TNK2: variants seen among roughly 807,000 people sequenced by gnomAD.
TNK2 encodes the protein tyrosine kinase non receptor 2.
A neutral mutation model predicts 101.8 loss-of-function variants in TNK2; 83 were observed. The ratio of observed to expected loss-of-function variants is 0.82; its 90% CI spans 0.68 to 0.98. The LOEUF (loss-of-function observed/expected upper bound fraction) is 0.98, where lower values mean the gene tolerates loss of function less well. Ranked by LOEUF, TNK2 falls within the 50% of genes least tolerant of loss-of-function variation. The pLI is 0.00. For missense variants in TNK2, 1,665 were observed against 1,483.2 expected (o/e 1.12, Z -2.01); for synonymous variants, 804 against 633.0 (o/e 1.27, Z -4.06).
Position 195,868,550 on chromosome 3 carries a change from A to T in TNK2, c.1748T>A (p.Val583Asp), listed in dbSNP as rs2149239335. 1 of 1,569,624 alleles carries T rather than the reference A, an allele frequency of 6.4e-7. No homozygotes were observed. Among genetic ancestry groups the T allele is most frequent in the Non-Finnish European group, 8.6e-7 (1 of 1,166,470 alleles). ...TKASRGSGAE[V>D]TLIDFGEEPV... ...CTCCTCACCGAAGTCGATGAGCGTG[A>T]CCTCAGCCCCGCTGCCTCGGCTGGC... The change falls in exon 13 of 16, where the codon GTC becomes GAC. Residue 583 changes from valine (V) to aspartate (D), a missense_variant. Val to Asp is a radical substitution (Grantham distance 152, BLOSUM62 -3). This residue lies in a region of TNK2 where 1,136 missense variants were observed against 894.9 expected (regional missense o/e 1.27). Coordinates refer to ENST00000672887, the MANE Select transcript of TNK2 (RefSeq NM_001382273.1).
chr3:195,897,087 G>A (rs1418029485), intron 1 of TNK2, among the ~76,000 whole-genome samples: 2 of 152,188 alleles, frequency 1.3e-5, no homozygotes, highest in East Asian at 3.8e-4. Flanking sequence ...GGAGAGGGGG[G>A]CTTACAGCTC....
intron 10 of TNK2, among the ~76,000 whole-genome samples, chr3:195,871,768 G>C (rs1745480881): frequency 6.6e-6 from 1 of 152,344 alleles, no homozygotes; most frequent in South Asian, 2.1e-4. Flanking sequence ...TGAGCAGCAA[G>C]TGCTAATTCA....
At chr3:195,875,605 G>C (rs902001969) in intron 9 of TNK2, among the ~76,000 whole-genome samples, 3 of 152,190 alleles carry the variant, frequency 2.0e-5, no homozygotes, top group African/African-American at 7.2e-5. Context: ...GGCACCAGCA[G>C]TCCAGAGGGG....
At chr3:195,892,357 G>C in intron 1 of TNK2, 1 of 1,460,168 alleles carries the variant, frequency 6.8e-7, no homozygotes, top group Non-Finnish European at 9.1e-7. Flanking sequence ...GTCAAGTGCT[G>C]GTGCTGAGGA....
chr3:195,890,811 A>C (rs1006723939), intron 1 of TNK2, among the ~76,000 whole-genome samples: 3 of 152,322 alleles, frequency 2.0e-5, no homozygotes, highest in African/African-American at 7.2e-5. Context: ...TTTATTCAGA[A>C]CATAGCAGAA....
Position 195,887,037 on chromosome 3 carries a change from C to T in TNK2, c.174G>A (p.Arg58=), listed in dbSNP as rs1354233504. 6 of 1,614,100 alleles carry T rather than the reference C, an allele frequency of 3.7e-6. No individual in the cohort carries two copies. The highest frequency in any genetic ancestry group is 1.3e-5 in the African/African-American group (1 of 74,954). The change falls in exon 3 of 16, where the codon CGG becomes CGA. Residue 58 remains arginine (R), a synonymous_variant. Transcript: ENST00000672887. Reference sequence around the variant, plus strand: ...TCCTCCTCTTCACAGCCTCCCACAGCCGCCGCTGGCCTGCAGGGAGAGCGG... The same window carrying T: ...TCCTCCTCTTCACAGCCTCCCACAGTCGCCGCTGGCCTGCAGGGAGAGCGG... ...KIGMGRPGQR[R]LWEAVKRRKA... is the part of the protein sequence containing the mutation.
In TNK2 at chr3:195,879,085, G is replaced by A. The variant is rs376767437; in HGVS notation, c.978C>T (p.Tyr326=). 5.3e-5 allele frequency: 85 copies of A among 1,613,852 alleles called. No homozygotes were observed. Among genetic ancestry groups the A allele is most frequent in the East Asian group, 4.7e-4 (21 of 44,888 alleles). The stretch of plus-strand genomic sequence containing the variant: ...TGAGGCCGATCCAGGGCTCCTGGCC[G>A]TAGGTGAACATTTCCCACAGTGTCA... ...FGVTLWEMFT[Y]GQEPWIGLNG... is the part of the protein sequence containing the mutation. Residue 326 remains tyrosine (Y), a synonymous_variant, in exon 7 of 16, where the codon TAC becomes TAT. Transcript: ENST00000672887.
At chr3:195,868,931 C>A in intron 12 of TNK2, 1 of 565,416 alleles carries the variant, frequency 1.8e-6, no homozygotes. Context: ...CCCATGTGGG[C>A]CGGTGAGCCC....
At chr3:195,864,786 C>T (rs1451153510) in intron 15 of TNK2, among the ~76,000 whole-genome samples, 16 of 144,200 alleles carry the variant, frequency 1.1e-4, no homozygotes, top group Non-Finnish European at 9.1e-5. Flanking sequence ...AAGAACCACC[C>T]GAGACAGTGA....
chr3:195,887,744 TG>T (rs1756366279), intron 2 of TNK2, among the ~76,000 whole-genome samples: 1 of 151,594 alleles, frequency 6.6e-6, no homozygotes, highest in Non-Finnish European at 1.5e-5. Flanking sequence ...TGTGCGTGTG[TG>T]TGCACACGCG....
chr3:195,900,901 C>G (rs1398559467), intron 1 of TNK2, among the ~76,000 whole-genome samples: 1 of 152,234 alleles, frequency 6.6e-6, no homozygotes, highest in Non-Finnish European at 1.5e-5. Flanking sequence ...TACCCCACCC[C>G]CAAGCCCTAC....
intron 12 of TNK2, chr3:195,869,183 C>T (rs982744365): frequency 3.5e-6 from 2 of 564,616 alleles, no homozygotes; most frequent in Non-Finnish European, 6.4e-6. Flanking sequence ...CCAGACAGCG[C>T]CTGCAGGTCT....
intron 9 of TNK2, among the ~76,000 whole-genome samples, chr3:195,874,111 C>T (rs1401717054): frequency 6.6e-6 from 1 of 152,232 alleles, no homozygotes; most frequent in African/African-American, 2.4e-5. Flanking sequence ...GCGGCTCTCC[C>T]GCTACACCCA....
intron 6 of TNK2, among the ~76,000 whole-genome samples, chr3:195,880,772 C>G (rs1427044079): frequency 7.0e-4 from 7 of 10,054 alleles, no homozygotes; most frequent in Non-Finnish European, 6.8e-4. Context: ...TGTAACACCC[C>G]CCCCAGCAAT....
In TNK2 at chr3:195,885,280, G is replaced by A. The variant is rs993686618; in HGVS notation, c.235-247C>T. 19 of 1,239,542 alleles carry A rather than the reference G, an allele frequency of 1.5e-5. No individual in the cohort carries two copies. The highest frequency in any genetic ancestry group is 1.9e-5 in the Non-Finnish European group (18 of 924,178). 76.8% of individuals were successfully genotyped at this position (1,239,542 alleles called of 1,614,324 possible). On this transcript the variant is annotated intron_variant, in intron 3 of 15. Transcript: ENST00000672887. This position sits in a 1 kb window ranked among gnomAD's most constrained non-coding sequence, Gnocchi z 4.7. ...CCAGAAAGAGACCGACAGGCATGCA[G>A]CCTGTGGCTGAGCGGCCCCACACCC...
chr3:195,876,149 AG>A (rs748623296), intron 9 of TNK2, among the ~76,000 whole-genome samples: 13 of 152,124 alleles, frequency 8.5e-5, no homozygotes, highest in Admixed American at 2.6e-4. Context: ...AAGTGCTGCC[AG>A]CCACCCCTTC....
rs745609285 is a variant in TNK2 at position 195,867,547 on chromosome 3, G to A, written c.2751C>T (p.Pro917=). ...GCCGCACGGTGGCCGTGGGGGCGGC[G>A]GGGGCTGGGGTGCTGGGTGGGGGCA... ...LLLPPPSTPA[P]AAPTATVRPM... is the part of the protein sequence containing the mutation. The change falls in exon 13 of 16, where the codon CCC becomes CCT. Residue 917 remains proline (P), a synonymous_variant. Transcript: ENST00000672887. 1.1e-5 allele frequency: 17 copies of A among 1,541,864 alleles called. No individual in the cohort carries two copies. Among genetic ancestry groups the A allele is most frequent in the East Asian group, 6.9e-5 (3 of 43,268 alleles).
chr3:195,871,807 G>C (rs1201087934), intron 10 of TNK2, among the ~76,000 whole-genome samples: 1 of 152,196 alleles, frequency 6.6e-6, no homozygotes, highest in Non-Finnish European at 1.5e-5. Context: ...CCCCTTATTG[G>C]GGGGGTGAAC....
rs930472987 is a variant in TNK2 at position 195,888,068 on chromosome 3, C to T, written c.163+358G>A. Among the ~76,000 whole-genome samples, 1 of 152,070 alleles carries T rather than the reference C, an allele frequency of 6.6e-6. No homozygotes were observed. Among genetic ancestry groups the T allele is most frequent in the African/African-American group, 2.4e-5 (1 of 41,388 alleles). On this transcript the variant is annotated intron_variant, in intron 2 of 15. Transcript: ENST00000672887. The surrounding 1 kb of genome is among the most constrained non-coding windows in gnomAD (Gnocchi z 5.3). ...CAAACCATCTGAGAGTTAGCGTTCT[C>T]CCTACAGATCTCTGCACATGGACCC... is the stretch of plus-strand genomic sequence containing the variant.
Sources: gnomAD v4.1 joint callset for allele counts (sites outside exome capture counted in the v4.1 genomes callset) on GRCh38, gnomAD v4.1.1 for gene constraint, gnomAD v4.1.1 regional missense constraint, Gnocchi (gnomAD v3.1) non-coding constraint, MANE v1.5 for transcripts, NCBI Gene and HGNC (gene_info 2026-07-23, HGNC 2026-07-21) for gene names.